CACNA1E: variants seen among roughly 807,000 people sequenced by gnomAD.
CACNA1E encodes the protein calcium voltage-gated channel subunit alpha1 E.
CACNA1E carries 40 observed loss-of-function variants against 259.2 expected under a neutral mutation model. That is an observed-to-expected ratio of 0.15 (90% CI 0.12 to 0.20). CACNA1E has a LOEUF of 0.20. Among genes scored for constraint, CACNA1E ranks in the 10% least tolerant of loss-of-function variants. The pLI is 1.00. For synonymous variants in CACNA1E, 1,104 were observed against 1,138.5 expected (o/e 0.97, Z 0.61); for missense variants, 1,874 against 3,040.1 (o/e 0.62, Z 9.02).
intron 6 of CACNA1E, among the ~76,000 whole-genome samples, chr1:181,608,745 A>C (rs1654467426): frequency 1.3e-5 from 2 of 152,192 alleles, no homozygotes; most frequent in African/African-American, 4.8e-5. Flanking sequence ...TATTCTAGTC[A>C]TGTGCCAGGG....
chr1:181,354,711 G>T (rs993653047), intron 1 of CACNA1E, among the ~76,000 whole-genome samples: 2 of 152,218 alleles, frequency 1.3e-5, no homozygotes, highest in Admixed American at 1.3e-4. Context: ...AGGGAAAAGG[G>T]CAGTAGAGCC....
chr1:181,762,959 G>A (rs1658714150), intron 33 of CACNA1E, among the ~76,000 whole-genome samples: 1 of 152,210 alleles, frequency 6.6e-6, no homozygotes, highest in Non-Finnish European at 1.5e-5. Flanking sequence ...AGTCTCAAAG[G>A]AGGCACAGTA....
intron 2 of CACNA1E, among the ~76,000 whole-genome samples, chr1:181,458,824 CCCATCCATCCATCCATCCAT>C (rs57607890): frequency 9.3e-5 from 14 of 150,490 alleles, no homozygotes; most frequent in South Asian, 6.4e-4. Flanking sequence ...CATTTATTTA[CCCATCCATCCATCCATCCAT>C]CCATCCATCC....
At position 181,733,600 on chromosome 1, in the gene CACNA1E, G is replaced by A. The variant is rs558308956; in HGVS notation, c.3112G>A (p.Val1038Met). 10 of 1,613,024 alleles carry A rather than the reference G, an allele frequency of 6.2e-6. No individual in the cohort carries two copies. The South Asian group carries it at 6.6e-5, about 11-fold the overall frequency. The part of the protein sequence containing the change: ...GSSEQALLGN[V>M]QLDMGRVISQ... ...CAGTGAGCAGGCCCTGCTGGGGAAT[G>A]TGCAGCTAGACATGGGCCGGGTCAT... The change falls in exon 21 of 48, where the codon GTG becomes ATG. Residue 1038 changes from valine (V) to methionine (M), a missense_variant. By Grantham distance (21) the Val-to-Met change is conservative (BLOSUM62 1). This residue lies in a region of CACNA1E where 476 missense variants were observed against 514.0 expected (regional missense o/e 0.93). Transcript: ENST00000367573.
chr1:181,763,560 G>A (rs1658770261), intron 34 of CACNA1E, 29 bp downstream of exon 34: 2 of 1,520,404 alleles, frequency 1.3e-6, no homozygotes, highest in Non-Finnish European at 1.8e-6. Flanking sequence ...TCCTCTCTGA[G>A]GGTTGTCATA....
chr1:181,641,703 G>GTTTTTTTTTTTTTTT (rs751082929), intron 6 of CACNA1E, among the ~76,000 whole-genome samples: 4 of 81,116 alleles, frequency 4.9e-5, no homozygotes, highest in Admixed American at 1.5e-4. Flanking sequence ...CTAATTTTTT[G>GTTTTTTTTTTTTTTT]TTTTTTTTTT....
intron 27 of CACNA1E, among the ~76,000 whole-genome samples, chr1:181,754,339 T>C (rs980364619): frequency 6.6e-6 from 1 of 152,002 alleles, no homozygotes; most frequent in African/African-American, 2.4e-5. Flanking sequence ...CCCTGCAGTG[T>C]TGAACTAATT....
chr1:181,494,986 C>T (rs1190840925), intron 1 of CACNA1E, among the ~76,000 whole-genome samples: 3 of 152,120 alleles, frequency 2.0e-5, no homozygotes, highest in South Asian at 4.1e-4. Flanking sequence ...AAATATTGTA[C>T]GCGATATTCT....
chr1:181,577,336 G>A (rs1463932123), intron 3 of CACNA1E, among the ~76,000 whole-genome samples: 1 of 152,132 alleles, frequency 6.6e-6, no homozygotes, highest in Admixed American at 6.6e-5. Flanking sequence ...TTTTACTGCA[G>A]TTAATCCAGA....
At chr1:181,543,390 G>A (rs1343729794) in intron 3 of CACNA1E, among the ~76,000 whole-genome samples, 1 of 152,172 alleles carries the variant, frequency 6.6e-6, no homozygotes, top group African/African-American at 2.4e-5. Flanking sequence ...CATCTGCTAT[G>A]GACTGAATGT....
rs189280036 is a variant in CACNA1E at position 181,764,563 on chromosome 1, A to C, written c.4815+1032A>C. 4.5e-4 allele frequency among the ~76,000 whole-genome samples: 69 copies of C among 152,334 alleles called. No individual in the cohort carries two copies. In the East Asian group the frequency reaches 0.013, roughly 28 times the overall value. On this transcript the variant is annotated intron_variant, in intron 34 of 47. Coordinates refer to ENST00000367573, the MANE Select transcript of CACNA1E (RefSeq NM_001205293.3). ...CGAGGACCTGGGATTTTGAGATGTGAGATCAATTTTAAGGATGTTCTGGCT... is the reference window on the plus strand; with the variant it reads ...CGAGGACCTGGGATTTTGAGATGTGCGATCAATTTTAAGGATGTTCTGGCT...
intron 12 of CACNA1E, among the ~76,000 whole-genome samples, chr1:181,718,666 A>ACACACACACC (rs1491443910): frequency 7.7e-6 from 1 of 129,450 alleles, no homozygotes; most frequent in Non-Finnish European, 1.7e-5. Context: ...ACACACACAC[A>ACACACACACC]CCCTTATATT....
intron 6 of CACNA1E, among the ~76,000 whole-genome samples, chr1:181,630,552 A>T (rs1012306660): frequency 6.6e-6 from 1 of 152,012 alleles, no homozygotes; most frequent in African/African-American, 2.4e-5. Flanking sequence ...CGCCCTCTCC[A>T]TCTGGGAATA....
intron 6 of CACNA1E, among the ~76,000 whole-genome samples, chr1:181,600,180 G>A (rs1406525264): frequency 6.6e-6 from 1 of 152,170 alleles, no homozygotes; most frequent in Non-Finnish European, 1.5e-5. Flanking sequence ...GAGCCAGCAA[G>A]TGCAGGGACC....
intron 6 of CACNA1E, among the ~76,000 whole-genome samples, chr1:181,650,584 T>C (rs776283781): frequency 1.3e-5 from 2 of 152,236 alleles, no homozygotes; most frequent in African/African-American, 2.4e-5. Context: ...TCTAATAAGA[T>C]ATCCTGCTAA....
intron 3 of CACNA1E, among the ~76,000 whole-genome samples, chr1:181,553,220 C>G (rs1648365952): frequency 6.6e-6 from 1 of 152,074 alleles, no homozygotes; most frequent in South Asian, 2.1e-4. Context: ...CCTTCACATC[C>G]CTTGTTAGCT....
At chr1:181,775,097 C>T (rs571716748) in intron 37 of CACNA1E, among the ~76,000 whole-genome samples, 1 of 152,270 alleles carries the variant, frequency 6.6e-6, no homozygotes, top group South Asian at 2.1e-4. Context: ...CTAGACCGCA[C>T]ATTTTCACAC....
chr1:181,431,488 A>G (rs1409029352), intron 2 of CACNA1E, among the ~76,000 whole-genome samples: 2 of 152,142 alleles, frequency 1.3e-5, no homozygotes, highest in African/African-American at 4.8e-5. Context: ...CAGACAGTTA[A>G]AAGTTAAAGA....
At chr1:181,391,941 CTCTCTGTGTG>C (rs1338416323) in intron 1 of CACNA1E, among the ~76,000 whole-genome samples, 2 of 116,842 alleles carry the variant, frequency 1.7e-5, no homozygotes, top group African/African-American at 7.9e-5. Flanking sequence ...CTCTCTCTCT[CTCTCTGTGTG>C]TGTGTGTGTG....
Sources: allele counts gnomAD v4.1 joint callset (sites outside exome capture counted in the v4.1 genomes callset), GRCh38; gene constraint gnomAD v4.1.1; regional missense constraint gnomAD v4.1.1; transcripts MANE v1.5; gene names NCBI Gene and HGNC (gene_info 2026-07-23, HGNC 2026-07-21).